Variants in MYNN observed in about 807,000 individuals in gnomAD.
The protein encoded by MYNN is zinc finger and BTB domain-containing protein 31.
A neutral mutation model predicts 57.2 loss-of-function variants in MYNN; 22 were observed. That is an observed-to-expected ratio of 0.38 (90% CI 0.27 to 0.55). The LOEUF (loss-of-function observed/expected upper bound fraction) is 0.55, where lower values mean the gene tolerates loss of function less well. Among genes scored for constraint, MYNN ranks in the 20% least tolerant of loss-of-function variants. The pLI is 0.71. For synonymous variants in MYNN, 241 were observed against 257.1 expected (o/e 0.94, Z 0.60); for missense variants, 566 against 723.1 (o/e 0.78, Z 2.49).
chr3:169,784,458 A>G (rs1687001962), intron 6 of MYNN, among the ~76,000 whole-genome samples, 164 bp from the exon 7 acceptor site: 1 of 152,030 alleles, frequency 6.6e-6, no homozygotes, highest in Non-Finnish European at 1.5e-5. Context: ...GGTTGTATAG[A>G]ATCTTTCATT....
intron 3 of MYNN, chr3:169,780,178 C>T (rs1778469013): frequency 6.4e-6 from 1 of 156,234 alleles, no homozygotes; most frequent in Admixed American, 6.4e-5. Context: ...CTGCCTCAGC[C>T]TCCCGAGTAG....
chr3:169,775,886 G>T (rs901374713), intron 2 of MYNN, among the ~76,000 whole-genome samples: 27 of 152,034 alleles, frequency 1.8e-4, no homozygotes, highest in African/African-American at 6.0e-4. Context: ...TAGAATCAGG[G>T]TGCTCATTAA....
At chr3:169,776,694 A>ATTTTTTTTTTTT (rs10681957) in intron 2 of MYNN, among the ~76,000 whole-genome samples, 1 of 105,628 alleles carries the variant, frequency 9.5e-6, no homozygotes, top group Non-Finnish European at 1.8e-5. Context: ...TGTTGAACAA[A>ATTTTTTTTTTTT]TTTTTTTTTT....
At chr3:169,785,081 G>C (rs1330951909) in intron 7 of MYNN, among the ~76,000 whole-genome samples, 6 of 143,824 alleles carry the variant, frequency 4.2e-5, no homozygotes, top group African/African-American at 1.3e-4. Flanking sequence ...GGGGGGGGGG[G>C]TGGTGTTATC....
intron 1 of MYNN, among the ~76,000 whole-genome samples, chr3:169,773,736 G>T (rs1173782437): frequency 6.6e-6 from 1 of 152,222 alleles, no homozygotes; most frequent in Non-Finnish European, 1.5e-5. Context: ...GGGAGAAGGT[G>T]TGGCCTCCTT....
intron 2 of MYNN, among the ~76,000 whole-genome samples, chr3:169,775,215 G>A (rs763670136): frequency 6.6e-6 from 1 of 152,104 alleles, no homozygotes; most frequent in Non-Finnish European, 1.5e-5. Flanking sequence ...TCTCTAAGAT[G>A]CTTACTGATG....
intron 1 of MYNN, 117 bp from the exon 2 acceptor site, chr3:169,774,148 T>C (rs1177411299): frequency 2.8e-6 from 2 of 718,966 alleles, no homozygotes; most frequent in Non-Finnish European, 4.6e-6. Context: ...CCATGTATGT[T>C]TGATAAGGAT....
intron 3 of MYNN, 71 bp downstream of exon 3, chr3:169,779,632 T>G: frequency 7.0e-7 from 1 of 1,437,672 alleles, no homozygotes; most frequent in Non-Finnish European, 9.4e-7. Flanking sequence ...TAGAGAGTAC[T>G]TAGCACACAC....
In MYNN at chr3:169,782,785, C is replaced by A; in HGVS notation, c.1399+142C>A. On this transcript the variant is annotated intron_variant, in intron 5 of 7. Transcript: ENST00000349841. This position sits in a 1 kb window ranked among gnomAD's most constrained non-coding sequence, Gnocchi z 4.8. ...CTATAAGCTATGTTTATGATTTTTG[C>A]ACATATTTGTTAAATATAAAAGCTG... 1 of 623,014 alleles carries A rather than the reference C, an allele frequency of 1.6e-6. No individual in the cohort carries two copies. Among genetic ancestry groups the A allele is most frequent in the Non-Finnish European group, 2.6e-6 (1 of 381,698 alleles). The allele number at this position is 623,014 out of a possible 1,614,324, so 38.6% of individuals were successfully genotyped here. A position where few individuals can be genotyped will look rare whatever the true frequency, so the allele number is the denominator to read the frequency against.
At chr3:169,781,279 G>A (rs1245155504) in intron 4 of MYNN, among the ~76,000 whole-genome samples, 1 of 152,160 alleles carries the variant, frequency 6.6e-6, no homozygotes, top group Admixed American at 6.5e-5. Context: ...GAAGGTTTGT[G>A]GGTAGAACAG....
rs150417121 is a variant in MYNN at position 169,774,400 on chromosome 3, T to C, written c.105T>C (p.Phe35=). The C allele has an allele frequency of 6.2e-7, 1 of 1,614,184 alleles. No homozygotes were observed. The highest frequency in any genetic ancestry group is 1.3e-5 in the African/African-American group (1 of 75,068). Residue 35 remains phenylalanine, a synonymous_variant, in exon 2 of 8, where the codon TTT becomes TTC. Coordinates refer to ENST00000349841, the MANE Select transcript of MYNN (RefSeq NM_018657.5). ...CCATAGTGATTGGGGAATTCCAGTT[T>C]AAAGCTCATAGGAATGTGCTGGCCT... ...DCTIVIGEFQ[F]KAHRNVLASF...
At chr3:169,774,643 A>G in intron 2 of MYNN, 82 bp downstream of exon 2, 5 of 1,316,114 alleles carry the variant, frequency 3.8e-6, no homozygotes, top group Non-Finnish European at 5.3e-6. Context: ...TTTTCCATTC[A>G]TTCTCTGAAC....
rs1778483357 is a variant in MYNN at position 169,780,663 on chromosome 3, C to T, written c.1134C>T (p.Arg378=). 1.9e-6 allele frequency: 3 copies of T among 1,612,956 alleles called. No individual in the cohort carries two copies. Among genetic ancestry groups the T allele is most frequent in the Non-Finnish European group, 2.5e-6 (3 of 1,179,484 alleles). ...AATGTCAGCTAGTCTTCCATAGTCG[C>T]ATGCATCATGGTGAAGAAAAACCCT... ...AQKCQLVFHS[R]MHHGEEKPYK... is the part of the protein sequence containing the mutation. Residue 378 remains arginine (R), a synonymous_variant, in exon 4 of 8, where the codon CGC becomes CGT. Transcript: ENST00000349841.
Position 169,780,580 on chromosome 3 carries a change from G to A in MYNN, c.1061-10G>A. 1 of 1,570,062 alleles carries A rather than the reference G, an allele frequency of 6.4e-7. No individual in the cohort carries two copies. The highest frequency in any genetic ancestry group is 8.6e-7 in the Non-Finnish European group (1 of 1,162,874). ...TTTTCTTCTAAATATAAATTTTATT[G>A]TTCCTTTAGGTGAGAAGCCATACAA... is the stretch of plus-strand genomic sequence containing the variant. On this transcript the variant is annotated splice_polypyrimidine_tract_variant and intron_variant, in intron 3 of 7. Transcript: ENST00000349841.
chr3:169,786,665 A>G lies in MYNN; in HGVS notation c.1820A>G (p.Gln607Arg), dbSNP rs1385413436. The G allele has an allele frequency of 1.9e-6, 3 of 1,612,502 alleles. No individual in the cohort carries two copies. Among genetic ancestry groups the G allele is most frequent in the Non-Finnish European group, 2.5e-6 (3 of 1,179,238 alleles). The change falls in exon 8 of 8, where the codon CAA becomes CGA. Residue 607 changes from glutamine (Q) to arginine (R), a missense_variant. Around this residue, in one of 4 missense-constraint regions of MYNN, gnomAD observed 156 missense variants for 163.9 expected, o/e 0.95. Transcript: ENST00000349841. ...GYSEPQLIFL[Q>R]QLY ...TCAGAACCACAGTTGATTTTTTTAC[A>G]ACAATTATACTGACTTTGTAAGGAA... is the stretch of plus-strand genomic sequence containing the variant.
Position 169,787,784 on chromosome 3 carries a change from TC to T in MYNN, c.*1108del, listed in dbSNP as rs1249205113. Reference sequence around the variant, plus strand: ...GGTGGTGGTTGTAGTTTCACAATGGTCCTTTTCCTTCCAAATGAATGTAGAA... The same window carrying T: ...GGTGGTGGTTGTAGTTTCACAATGGTCTTTTCCTTCCAAATGAATGTAGAA... On this transcript the variant is annotated 3_prime_UTR_variant, in exon 8 of 8. Transcript: ENST00000349841. 3 of 152,088 alleles carry T rather than the reference TC, an allele frequency of 2.0e-5. No individual in the cohort carries two copies. Among genetic ancestry groups the T allele is most frequent in the Non-Finnish European group, 4.4e-5 (3 of 67,954 alleles). The allele number at this position is 152,088 out of a possible 1,614,324, so 9.4% of individuals were successfully genotyped here.
In MYNN at chr3:169,784,912, T is replaced by TAAAA. The variant is rs11456214; in HGVS notation, c.1570+219_1570+222dup. ...GATTTTTCATATTGAATCTCTTATT[T>TAAAA]AAAAAAAAAAAAAAAAAACTTGAAA... On this transcript the variant is annotated intron_variant, in intron 7 of 7. Transcript: ENST00000349841. Among the ~76,000 whole-genome samples the TAAAA allele has an allele frequency of 6.8e-3, 912 of 134,644 alleles. 10 individuals carry two copies. Among genetic ancestry groups the TAAAA allele is most frequent in the African/African-American group, 0.023 (867 of 37,130 alleles). The allele number at this position is 134,644 out of a possible 152,430, so 88.3% of individuals were successfully genotyped here.
intron 7 of MYNN, among the ~76,000 whole-genome samples, chr3:169,785,967 C>G (rs1172001276): frequency 6.6e-6 from 1 of 151,976 alleles, no homozygotes; most frequent in African/African-American, 2.4e-5. Context: ...TAAAAACATT[C>G]AGTGAATGAA....
intron 1 of MYNN, chr3:169,773,928 G>T: frequency 4.7e-6 from 1 of 212,040 alleles, no homozygotes; most frequent in East Asian, 1.1e-4. Context: ...TCATGTCTTA[G>T]TGGTTTAAAA....
Sources: gnomAD v4.1 joint callset for allele counts (sites outside exome capture counted in the v4.1 genomes callset) on GRCh38, gnomAD v4.1.1 for gene constraint, gnomAD v4.1.1 regional missense constraint, Gnocchi (gnomAD v3.1) non-coding constraint, MANE v1.5 for transcripts, NCBI Gene and HGNC (gene_info 2026-07-23, HGNC 2026-07-21) for gene names.